CHRNA7: variants seen among roughly 807,000 people sequenced by gnomAD.
CHRNA7 encodes cholinergic receptor nicotinic alpha 7 subunit, also known as neuronal acetylcholine receptor subunit alpha-7.
In CHRNA7, 17 loss-of-function variants were observed where a neutral mutation model predicts 48.0. The observed-to-expected ratio is 0.35, with a 90% CI of 0.24 to 0.53. CHRNA7 has a LOEUF of 0.53. Among genes scored for constraint, CHRNA7 ranks in the 20% least tolerant of loss-of-function variants. The pLI is 0.92. For synonymous variants in CHRNA7, 75 were observed against 242.3 expected (o/e 0.31, Z 6.41); for missense variants, 155 against 577.7 (o/e 0.27, Z 7.50).
chr15:32,151,336 C>T (rs967600230), intron 4 of CHRNA7, among the ~76,000 whole-genome samples: 1 of 152,136 alleles, frequency 6.6e-6, no homozygotes, highest in African/African-American at 2.4e-5. Flanking sequence ...TTTTATCGAT[C>T]TCCAGGTTTA....
intron 2 of CHRNA7, among the ~76,000 whole-genome samples, chr15:32,082,339 A>ATT (rs58571847): frequency 8.5e-4 from 128 of 150,732 alleles, no homozygotes; most frequent in Non-Finnish European, 1.3e-3. Context: ...TGATTATTAG[A>ATT]TTTTTTTTGT....
intron 4 of CHRNA7, among the ~76,000 whole-genome samples, chr15:32,142,885 A>AT (rs1369126626): frequency 4.0e-5 from 6 of 151,876 alleles, no homozygotes; most frequent in South Asian, 2.1e-4. Flanking sequence ...GGATTCATTG[A>AT]TTTTTTGAAG....
chr15:32,148,310 C>T (rs977349059), intron 4 of CHRNA7, among the ~76,000 whole-genome samples: 7 of 152,100 alleles, frequency 4.6e-5, no homozygotes, highest in Admixed American at 3.9e-4. Context: ...GATGGCTGGA[C>T]CCCTGGCTTT....
At chr15:32,108,799 A>G (rs1020261403) in intron 3 of CHRNA7, among the ~76,000 whole-genome samples, 2 of 152,206 alleles carry the variant, frequency 1.3e-5, no homozygotes, top group Non-Finnish European at 2.9e-5. Context: ...CCAGGGCCAT[A>G]TGACTTTAAT....
chr15:32,116,604 C>T (rs1226179777), intron 4 of CHRNA7, among the ~76,000 whole-genome samples: 2 of 152,184 alleles, frequency 1.3e-5, no homozygotes, highest in Non-Finnish European at 2.9e-5. Flanking sequence ...TGATTTTCCC[C>T]TTTGGATGGA....
chr15:32,112,409 C>T (rs1348259675), intron 4 of CHRNA7: 1 of 456,114 alleles, frequency 2.2e-6, no homozygotes, highest in East Asian at 6.9e-5. Flanking sequence ...GAAACTTCCC[C>T]TGCAGGGTAT....
At chr15:32,090,981 C>T (rs919098239) in intron 2 of CHRNA7, among the ~76,000 whole-genome samples, 26 of 152,136 alleles carry the variant, frequency 1.7e-4, no homozygotes, top group African/African-American at 6.3e-4. Context: ...CTTCAGCTTA[C>T]TAATTATCAT....
chr15:32,031,601 C>G (rs1901844885), intron 2 of CHRNA7, among the ~76,000 whole-genome samples: 1 of 152,166 alleles, frequency 6.6e-6, no homozygotes, highest in South Asian at 2.1e-4. Context: ...AGGACAGGTA[C>G]TGGGAGTCCT....
chr15:32,111,261 G>T (rs2141278878), intron 3 of CHRNA7: 1 of 152,532 alleles, frequency 6.6e-6, no homozygotes, highest in South Asian at 2.1e-4. Context: ...GCATTGTCGG[G>T]TGTCGGAAGC....
intron 2 of CHRNA7, among the ~76,000 whole-genome samples, chr15:32,051,719 C>T (rs2049685961): frequency 6.6e-6 from 1 of 152,204 alleles, no homozygotes. Flanking sequence ...GATAGAAATG[C>T]AGGAATCACC....
chr15:32,151,000 C>G (rs1319243384), intron 4 of CHRNA7, among the ~76,000 whole-genome samples: 1 of 152,088 alleles, frequency 6.6e-6, no homozygotes, highest in Non-Finnish European at 1.5e-5. Flanking sequence ...CTCTCCCTCT[C>G]TCCTTTCTCT....
chr15:32,139,811 GTCA>G (rs1284397245), intron 4 of CHRNA7, among the ~76,000 whole-genome samples: 2 of 151,992 alleles, frequency 1.3e-5, no homozygotes, highest in Non-Finnish European at 2.9e-5. Context: ...CAATCTGGAG[GTCA>G]TCTTTTCATT....
intron 4 of CHRNA7, among the ~76,000 whole-genome samples, chr15:32,144,038 T>C (rs2051436136): frequency 6.6e-6 from 1 of 152,214 alleles, no homozygotes; most frequent in Non-Finnish European, 1.5e-5. Flanking sequence ...ATTTGGCGTG[T>C]TTTTGCAGAG....
chr15:32,162,422 C>T (rs2141399317), intron 8 of CHRNA7: 1 of 147,676 alleles, frequency 6.8e-6, no homozygotes, highest in South Asian at 2.2e-4. Context: ...ACACTGATGA[C>T]TTCAGAGATT....
At chr15:32,049,274 G>C (rs2049618827) in intron 2 of CHRNA7, among the ~76,000 whole-genome samples, 1 of 151,840 alleles carries the variant, frequency 6.6e-6, no homozygotes, top group Non-Finnish European at 1.5e-5. Flanking sequence ...TTATTGTGTG[G>C]CAGTCTAAGT....
At chr15:32,039,768 A>G (rs1186644142) in intron 2 of CHRNA7, among the ~76,000 whole-genome samples, 1 of 152,118 alleles carries the variant, frequency 6.6e-6, no homozygotes, top group Admixed American at 6.5e-5. Context: ...TATCCAATTG[A>G]TGGACAATGT....
intron 2 of CHRNA7, among the ~76,000 whole-genome samples, chr15:32,085,530 C>G (rs891500544): frequency 1.3e-5 from 2 of 152,206 alleles, no homozygotes; most frequent in African/African-American, 4.8e-5. Flanking sequence ...ACATGTGAAA[C>G]TAGAATAAAT....
At chr15:32,039,303 C>T (rs4779959) in intron 2 of CHRNA7, among the ~76,000 whole-genome samples, 151,401 of 152,242 alleles carry the variant, frequency 0.99, 75,284 homozygotes, top group East Asian at 1. Context: ...TTATTTTGGA[C>T]TTAATTTGCT....
At chr15:32,078,596 C>T (rs770221785) in intron 2 of CHRNA7, among the ~76,000 whole-genome samples, 2 of 145,186 alleles carry the variant, frequency 1.4e-5, no homozygotes, top group Non-Finnish European at 3.0e-5. Context: ...AACCTGGATA[C>T]AGTCAAATCC....
Sources: gnomAD v4.1 joint callset for allele counts (sites outside exome capture counted in the v4.1 genomes callset) on GRCh38, gnomAD v4.1.1 for gene constraint, MANE v1.5 for transcripts, NCBI Gene and HGNC (gene_info 2026-07-23, HGNC 2026-07-21) for gene names.